The following WDR25 variants were observed in gnomAD, a reference collection of about 807,000 sequenced individuals.
WDR25 encodes WD repeat-containing protein 25.
A neutral mutation model predicts 47.7 loss-of-function variants in WDR25; 35 were observed. The ratio of observed to expected loss-of-function variants is 0.73; its 90% confidence interval spans 0.56 to 0.97. The LOEUF (loss-of-function observed/expected upper bound fraction) is 0.97. Among genes scored for constraint, WDR25 ranks in the 50% least tolerant of loss-of-function variants. The probability of loss-of-function intolerance (pLI) is 0.00; values close to 1 mark genes in which losing one functional copy is unlikely to be tolerated. For missense variants in WDR25, 634 were observed against 704.7 expected, an observed-to-expected ratio of 0.90 and a Z score of 1.14; for synonymous variants, 248 against 278.9, an observed-to-expected ratio of 0.89 and a Z score of 1.10.
At chr14:100,510,332 G>C (rs1028303653) in intron 4 of WDR25, among the ~76,000 whole-genome samples, 3 of 151,796 alleles carry the variant, frequency 2.0e-5, no homozygotes, top group African/African-American at 7.3e-5. Context: ...GCAGTGGCAC[G>C]ATCATGGCTC....
intron 4 of WDR25, among the ~76,000 whole-genome samples, chr14:100,519,888 G>T (rs1225392516): frequency 1.5e-5 from 2 of 135,524 alleles, no homozygotes; most frequent in East Asian, 2.1e-4. Flanking sequence ...ATGTATATAT[G>T]TATATATGTA....
intron 2 of WDR25, among the ~76,000 whole-genome samples, chr14:100,384,124 G>A (rs969536968): frequency 6.6e-6 from 1 of 152,270 alleles, no homozygotes; most frequent in Non-Finnish European, 1.5e-5. Flanking sequence ...TGCACCCTGG[G>A]TTCCTTCCCA....
intron 3 of WDR25, among the ~76,000 whole-genome samples, chr14:100,482,521 G>T (rs1161505302): frequency 1.3e-5 from 2 of 152,170 alleles, no homozygotes; most frequent in Non-Finnish European, 2.9e-5. Context: ...ATGTGCCTTA[G>T]GTTTTTCATG....
intron 2 of WDR25, among the ~76,000 whole-genome samples, chr14:100,462,362 C>G (rs1899442729): frequency 6.6e-6 from 1 of 152,168 alleles, no homozygotes; most frequent in African/African-American, 2.4e-5. Context: ...TTTGGGATCT[C>G]TAATTACTTA....
chr14:100,529,029 G>A lies in WDR25; in HGVS notation c.1273-39G>A, dbSNP rs1005013208. On this transcript the variant is annotated intron_variant, in intron 5 of 6. Transcript: ENST00000402312. The surrounding 1 kb of genome is among the most constrained non-coding windows in gnomAD (Gnocchi z 5.1). Reference sequence around the variant, plus strand: ...CCCAGAGCAGAGTGCCAGGTTGGGGGTGTCTTCTCTGACCCATTTGTGGCT... The same window carrying A: ...CCCAGAGCAGAGTGCCAGGTTGGGGATGTCTTCTCTGACCCATTTGTGGCT... The A allele has an allele frequency of 2.0e-6, 3 of 1,507,304 alleles. No homozygotes were observed. The highest frequency in any genetic ancestry group is 2.8e-5 in the African/African-American group (2 of 71,774). 93.4% of individuals were successfully genotyped at this position (1,507,304 alleles called of 1,614,324 possible). A position where few individuals can be genotyped will look rare whatever the true frequency, so the allele number is the denominator to read the frequency against.
At chr14:100,517,157 C>T (rs1270740702) in intron 4 of WDR25, among the ~76,000 whole-genome samples, 1 of 146,728 alleles carries the variant, frequency 6.8e-6, no homozygotes, top group Non-Finnish European at 1.5e-5. Flanking sequence ...GCTCTGTCGC[C>T]CAGGCTGGAG....
At chr14:100,528,039 T>G (rs2030270357) in intron 5 of WDR25, among the ~76,000 whole-genome samples, 1 of 152,320 alleles carries the variant, frequency 6.6e-6, no homozygotes, top group South Asian at 2.1e-4. Context: ...CCTCACTTAC[T>G]GTGCATTTTG....
chr14:100,462,593 G>T (rs952355428), intron 2 of WDR25, among the ~76,000 whole-genome samples: 9 of 152,156 alleles, frequency 5.9e-5, no homozygotes, highest in Non-Finnish European at 1.2e-4. Flanking sequence ...TTTCACTTCA[G>T]GGGGAGCTTG....
intron 4 of WDR25, among the ~76,000 whole-genome samples, chr14:100,510,100 T>A (rs1246774607): frequency 1.3e-5 from 2 of 150,364 alleles, no homozygotes; most frequent in Non-Finnish European, 3.0e-5. Context: ...GCAAAACCTG[T>A]CTCTACTAGA....
intron 2 of WDR25, among the ~76,000 whole-genome samples, chr14:100,408,617 C>T (rs1197274209): frequency 6.6e-6 from 1 of 152,150 alleles, no homozygotes; most frequent in Admixed American, 6.5e-5. Context: ...GCATAGGACT[C>T]AGTGACGCAG....
intron 2 of WDR25, among the ~76,000 whole-genome samples, chr14:100,462,301 C>A (rs908042934): frequency 4.6e-5 from 7 of 152,186 alleles, no homozygotes; most frequent in Non-Finnish European, 1.0e-4. Flanking sequence ...TACATGAAAT[C>A]ATCTTGGAAC....
rs375807597 is a variant in WDR25, at chr14:100,520,619, C to T, written c.1102-5251C>T. 1.4e-3 allele frequency among the ~76,000 whole-genome samples: 220 copies of T among 152,282 alleles called. 1 individual carries two copies. The highest frequency in any genetic ancestry group is 4.9e-3 in the African/African-American group (205 of 41,540). The stretch of plus-strand genomic sequence containing the variant: ...TGCGACTTTAAACCAAAGCAGTGGG[C>T]CCTGTGCTACCTTTCCACTTTGCCT... On this transcript the variant is annotated intron_variant, in intron 4 of 6. Coordinates refer to ENST00000402312, the MANE Select transcript of WDR25 (RefSeq NM_001161476.3).
Position 100,523,867 on chromosome 14 carries a change from A to G in WDR25, c.1102-2003A>G, listed in dbSNP as rs908670956. Among the ~76,000 whole-genome samples, 8 of 152,256 alleles carry G rather than the reference A, an allele frequency of 5.3e-5. No homozygotes were observed. Among genetic ancestry groups the G allele is most frequent in the Non-Finnish European group, 1.0e-4 (7 of 68,012 alleles). ...CGTTAGGCTCGGGTAGCAGCGTCCC[A>G]TGCCAGCTGTTGGTGTAATTAAGGT... is the stretch of plus-strand genomic sequence containing the variant. On this transcript the variant is annotated intron_variant, in intron 4 of 6. Coordinates refer to ENST00000402312, the MANE Select transcript of WDR25 (RefSeq NM_001161476.3). This position sits in a 1 kb window ranked among gnomAD's most constrained non-coding sequence, Gnocchi z 4.7.
intron 2 of WDR25, among the ~76,000 whole-genome samples, chr14:100,438,450 G>A (rs1023703502): frequency 2.8e-4 from 43 of 152,344 alleles, no homozygotes; most frequent in African/African-American, 9.9e-4. Flanking sequence ...TTAGCCCTCT[G>A]TGCTCCTGCC....
chr14:100,438,325 C>G (rs1898562854), intron 2 of WDR25, among the ~76,000 whole-genome samples: 1 of 152,172 alleles, frequency 6.6e-6, no homozygotes, highest in African/African-American at 2.4e-5. Context: ...AGATATGACT[C>G]TTAGGCATTG....
At chr14:100,443,279 T>C (rs967147274) in intron 2 of WDR25, among the ~76,000 whole-genome samples, 1 of 152,256 alleles carries the variant, frequency 6.6e-6, no homozygotes, top group African/African-American at 2.4e-5. Context: ...GAAAAATTTA[T>C]GTGCCACATG....
chr14:100,377,654 C>T (rs1027436849), intron 1 of WDR25, among the ~76,000 whole-genome samples: 31 of 152,092 alleles, frequency 2.0e-4, no homozygotes, highest in African/African-American at 7.5e-4. Context: ...TGTTACCTGC[C>T]TGGAATGGGC....
At chr14:100,416,081 C>A (rs1897860151) in intron 2 of WDR25, among the ~76,000 whole-genome samples, 1 of 152,188 alleles carries the variant, frequency 6.6e-6, no homozygotes. Flanking sequence ...TGGTTCTAGC[C>A]CTCACAGAGC....
rs1898289296 is a variant in WDR25 at position 100,430,199 on chromosome 14, C to T, written c.823-37822C>T. Among the ~76,000 whole-genome samples, 1 of 151,204 alleles carries T rather than the reference C, an allele frequency of 6.6e-6. No individual in the cohort carries two copies. Among genetic ancestry groups the T allele is most frequent in the African/African-American group, 2.4e-5 (1 of 40,900 alleles). Reference sequence around the variant, plus strand: ...GTGTGTGTGTGTTCCCGGGAAGGCACATCCTAAGCTTGGCCTGCTGGCTCT... The same window carrying T: ...GTGTGTGTGTGTTCCCGGGAAGGCATATCCTAAGCTTGGCCTGCTGGCTCT... On this transcript the variant is annotated intron_variant, in intron 2 of 6. Transcript: ENST00000402312. This position sits in a 1 kb window ranked among gnomAD's most constrained non-coding sequence, Gnocchi z 4.7.
Sources: allele counts gnomAD v4.1 joint callset (sites outside exome capture counted in the v4.1 genomes callset), GRCh38; gene constraint gnomAD v4.1.1; non-coding constraint Gnocchi (gnomAD v3.1); transcripts MANE v1.5; gene names NCBI Gene and HGNC (gene_info 2026-07-23, HGNC 2026-07-21).